The following BSG variants were observed in gnomAD, a reference collection of about 807,000 sequenced individuals.
BSG encodes basigin (Ok blood group).
Under a neutral mutation model 43.1 loss-of-function variants are expected in BSG, and 37 were observed. That is an observed-to-expected ratio of 0.86 (90% confidence interval 0.66 to 1.13). The LOEUF is 1.13. Ranked by LOEUF, BSG falls within the 50% of genes most tolerant of loss-of-function variation. The pLI is 0.00. For synonymous variants in BSG, 309 were observed against 238.7 expected (o/e 1.29, Z -2.72); for missense variants, 599 against 554.2 (o/e 1.08, Z -0.81).
intron 2 of BSG, 51 bp downstream of exon 2, chr19:578,172 C>T (rs758987439): frequency 5.9e-5 from 86 of 1,451,884 alleles, no homozygotes; most frequent in African/African-American, 3.8e-4. Context: ...CCTCCTGTGC[C>T]GCTCGCCTCC....
upstream of BSG, chr19:572,498 G>A (rs999828463): frequency 8.3e-7 from 1 of 1,197,738 alleles, no homozygotes; most frequent in Non-Finnish European, 1.0e-6. Flanking sequence ...GGCGACCGGC[G>A]TCCCCGGCGC....
At chr19:572,302 C>T (rs1981308527), upstream of BSG, 1 of 828,080 alleles carries the variant, frequency 1.2e-6, no homozygotes, top group African/African-American at 1.8e-5. Context: ...TCGGGCGCAC[C>T]GCTCTGCGCT....
At chr19:582,422 A>G in intron 7 of BSG, 92 bp downstream of exon 7, 1 of 1,173,442 alleles carries the variant, frequency 8.5e-7, no homozygotes, top group Non-Finnish European at 1.2e-6. Context: ...GGGCTTCAGT[A>G]TTCGGGGGTC....
At position 579,526 on chromosome 19, in the gene BSG, G is replaced by A. The variant is rs767557280; in HGVS notation, c.442G>A (p.Asp148Asn). The A allele has an allele frequency of 1.9e-6, 3 of 1,612,738 alleles. No individual in the cohort carries two copies. In the Admixed American group the frequency reaches 5.0e-5, roughly 27 times the overall value. The stretch of plus-strand genomic sequence containing the variant: ...CGGCACAGTCTTCACTACCGTAGAA[G>A]ACCTTGGCTCCAAGATACTCCTCAC... ...EPGTVFTTVE[D>N]LGSKILLTCS... Residue 148 changes from aspartate to asparagine, a missense_variant, in exon 3 of 9, where the codon GAC (aspartate) becomes AAC (asparagine). Asp to Asn is a conservative substitution (Grantham distance 23). Coordinates refer to ENST00000333511, the MANE Select transcript of BSG (RefSeq NM_001728.4).
upstream of BSG, chr19:572,456 A>G: frequency 5.2e-6 from 6 of 1,153,708 alleles, no homozygotes; most frequent in Non-Finnish European, 6.4e-6. Flanking sequence ...GCCGGCGCGT[A>G]CATGCGAGCG....
intron 1 of BSG, chr19:575,195 CGTGT>C (rs953617410): frequency 1.3e-5 from 2 of 152,160 alleles, no homozygotes; most frequent in African/African-American, 2.4e-5. Flanking sequence ...CGTGTGTGCG[CGTGT>C]GTGTGTGTGG....
chr19:574,562 CAA>C (rs886576277), intron 1 of BSG, among the ~76,000 whole-genome samples: 1 of 145,966 alleles, frequency 6.9e-6, no homozygotes, highest in Non-Finnish European at 1.5e-5. Context: ...CAAAAAAAAA[CAA>C]AAAAAAAATT....
At chr19:580,586 G>T (rs1157478104) in intron 4 of BSG, 60 bp from the exon 5 acceptor site, 4 of 1,608,276 alleles carry the variant, frequency 2.5e-6, no homozygotes, top group Non-Finnish European at 3.4e-6. Context: ...CCTCCTGCGG[G>T]AGGCCGGGGA....
upstream of BSG, chr19:571,892 G>C (rs1463709071): frequency 7.2e-6 from 3 of 418,206 alleles, no homozygotes; most frequent in African/African-American, 2.0e-5. Flanking sequence ...AGAAGAAGGG[G>C]GTAAGGTTGA....
chr19:571,858 GGTAAACGCGCCACCT>G, upstream of BSG: 1 of 487,276 alleles, frequency 2.1e-6, no homozygotes, highest in South Asian at 2.5e-5. Flanking sequence ...TTTAAAATAG[GGTAAACGCGCCACCT>G]GCGAGGAAAG....
chr19:572,275 T>C (rs749532440), upstream of BSG: 34 of 555,984 alleles, frequency 6.1e-5, no homozygotes, highest in Admixed American at 1.3e-4. Flanking sequence ...TAACACACTT[T>C]CAACGCTTCA....
upstream of BSG, chr19:571,889 G>C (rs28915398): frequency 1.1e-5 from 5 of 440,070 alleles, no homozygotes; most frequent in Non-Finnish European, 2.1e-5. Context: ...GAAAGAAGAA[G>C]GGGGTAAGGT....
At chr19:578,789 G>A in intron 2 of BSG, 2 of 333,222 alleles carry the variant, frequency 6.0e-6, no homozygotes, top group Middle Eastern at 1.1e-3. Context: ...GGAGTGTGGT[G>A]GCACAATCTC....
At chr19:580,819 C>T (rs1982234021) in intron 5 of BSG, 37 bp downstream of exon 5, 1 of 1,568,514 alleles carries the variant, frequency 6.4e-7, no homozygotes, top group Non-Finnish European at 8.7e-7. Context: ...CTGGACCCAG[C>T]CCTCAGGACT....
intron 1 of BSG, among the ~76,000 whole-genome samples, chr19:573,417 A>G (rs1981468533): frequency 6.6e-6 from 1 of 152,188 alleles, no homozygotes; most frequent in African/African-American, 2.4e-5. Context: ...TTTGTCCTCC[A>G]AGAGCACATG....
At position 576,751 on chromosome 19, in the gene BSG, A is replaced by C. The variant is rs1981806580; in HGVS notation, c.68-1023A>C. Among the ~76,000 whole-genome samples the C allele has an allele frequency of 2.2e-5, 3 of 139,314 alleles. No homozygotes were observed. In the South Asian group the frequency reaches 7.5e-4, roughly 35 times the overall value. 91.4% of individuals were successfully genotyped at this position (139,314 alleles called of 152,430 possible). ...TGAACAGAGTGAGACTCTGTCTCAAAAAAAAAAAAAAGAAGAAGAGGAGAA... is the reference window on the plus strand; with the variant it reads ...TGAACAGAGTGAGACTCTGTCTCAACAAAAAAAAAAAGAAGAAGAGGAGAA... On this transcript the variant is annotated intron_variant, in intron 1 of 8. Coordinates refer to ENST00000333511, the MANE Select transcript of BSG (RefSeq NM_001728.4).
rs139397975 is a variant in BSG at position 579,331 on chromosome 19, G to A, written c.416-169G>A. The A allele has an allele frequency of 2.0e-4, 185 of 920,366 alleles. No individual in the cohort carries two copies. The African/African-American group carries it at 2.7e-3, about 14-fold the overall frequency. The allele number at this position is 920,366 out of a possible 1,614,324, so 57.0% of individuals were successfully genotyped here. ...GGGCTCTTCCCTTCCCGGAGGCGTG[G>A]CCAGAAGTTCCCCTTGGGCCTCCGG... On this transcript the variant is annotated intron_variant, in intron 2 of 8. Transcript: ENST00000333511.
intron 2 of BSG, 83 bp from the exon 3 acceptor site, chr19:579,417 G>GAGCC: frequency 6.4e-7 from 1 of 1,570,810 alleles, no homozygotes; most frequent in Non-Finnish European, 8.7e-7. Flanking sequence ...TCCCGGGGAG[G>GAGCC]AGCCGCAGGT....
Position 580,346 on chromosome 19 carries a change from G to C in BSG, c.573-33G>C, listed in dbSNP as rs767084325. On this transcript the variant is annotated intron_variant, in intron 3 of 8. Transcript: ENST00000333511. Reference sequence around the variant, plus strand: ...GTCCTTGGAGGCGTCCTGCAGAGCTGGTACGCGGCTCACCTGCCTGCTGTG... The same window carrying C: ...GTCCTTGGAGGCGTCCTGCAGAGCTCGTACGCGGCTCACCTGCCTGCTGTG... The C allele has an allele frequency of 1.3e-5, 21 of 1,599,766 alleles. No homozygotes were observed. In the South Asian group the frequency reaches 2.3e-4, roughly 18 times the overall value.
Sources: gnomAD v4.1 joint callset for allele counts (sites outside exome capture counted in the v4.1 genomes callset) on GRCh38, gnomAD v4.1.1 for gene constraint, MANE v1.5 for transcripts, NCBI Gene and HGNC (gene_info 2026-07-23, HGNC 2026-07-21) for gene names.